The following TRIM2 variants were observed in gnomAD, a reference collection of about 807,000 sequenced individuals.
The protein encoded by TRIM2 is tripartite motif containing 2.
In TRIM2, 20 loss-of-function variants were observed where a neutral mutation model predicts 75.2. The observed-to-expected ratio is 0.27, with a 90% CI of 0.19 to 0.39. TRIM2 has a LOEUF of 0.39. Ranked by LOEUF, TRIM2 falls within the 10% of genes least tolerant of loss-of-function variation. The pLI, the probability that TRIM2 is intolerant of heterozygous loss-of-function variation, is 1.00. For missense variants in TRIM2, 660 were observed against 990.8 expected, an observed-to-expected ratio of 0.67 and a Z score of 4.48; for synonymous variants, 373 against 388.3, an observed-to-expected ratio of 0.96 and a Z score of 0.46.
At chr4:153,198,327 G>A (rs1425498089) in intron 1 of TRIM2, among the ~76,000 whole-genome samples, 3 of 152,118 alleles carry the variant, frequency 2.0e-5, no homozygotes, top group Non-Finnish European at 2.9e-5. Flanking sequence ...GAATCATGGA[G>A]GTTGGTCTTT....
At chr4:153,193,789 G>A (rs80089389) in intron 1 of TRIM2, among the ~76,000 whole-genome samples, 8,361 of 152,186 alleles carry the variant, frequency 0.055, 273 homozygotes, top group African/African-American at 0.073. Flanking sequence ...GGGCTGGGGC[G>A]AGCCACGGAG....
rs151298340 is a variant in TRIM2, at chr4:153,166,668, C to T, written c.-49+13398C>T. On this transcript the variant is annotated intron_variant, in intron 1 of 11. Coordinates refer to the TRIM2 transcript ENST00000437508. Reference sequence around the variant, plus strand: ...GGCTCATGTGATCCTCCTGCATCTGCCTCCCTAGTAGGTGGGACTACAGAG... The same window carrying T: ...GGCTCATGTGATCCTCCTGCATCTGTCTCCCTAGTAGGTGGGACTACAGAG... 2.5e-3 allele frequency among the ~76,000 whole-genome samples: 379 copies of T among 152,244 alleles called. 2 individuals carry two copies. The highest frequency in any genetic ancestry group is 4.6e-3 in the Admixed American group (70 of 15,294).
chr4:153,270,507 C>CT lies in TRIM2; in HGVS notation c.206dup (p.Cys70LeufsTer57). 6.2e-7 allele frequency: 1 copy of CT among 1,608,802 alleles called. No individual in the cohort carries two copies. The highest frequency in any genetic ancestry group is 8.5e-7 in the Non-Finnish European group (1 of 1,177,472). ...CCCAAGGTTCTCCCCTGTCTGCACA[C>CT]TTTCTGCGAGAGGTAAGCCTCCTTT... On this transcript the variant is annotated frameshift_variant, in exon 2 of 12. Transcript: ENST00000338700. LOFTEE classifies it high-confidence loss of function.
chr4:153,257,573 A>G (rs778268922), intron 1 of TRIM2: 2 of 1,289,818 alleles, frequency 1.6e-6, no homozygotes, highest in Non-Finnish European at 2.0e-6. Flanking sequence ...AGAGCAGAAG[A>G]TATGCTGGGC....
intron 2 of TRIM2, among the ~76,000 whole-genome samples, chr4:153,273,270 C>CATTTTTTTT (rs1757187818): frequency 3.5e-5 from 2 of 57,390 alleles, no homozygotes; most frequent in African/African-American, 1.4e-4. Context: ...TACAGTCACT[C>CATTTTTTTT]TTTTTTTTTT....
intron 1 of TRIM2, among the ~76,000 whole-genome samples, chr4:153,193,596 C>G (rs1365691137): frequency 5.3e-5 from 8 of 152,092 alleles, no homozygotes; most frequent in Non-Finnish European, 1.0e-4. Context: ...CTCATTTAAT[C>G]CTCACAACAA....
rs117520126 is a variant in TRIM2, at chr4:153,242,426, G to A, written c.31-27909G>A. On this transcript the variant is annotated intron_variant, in intron 1 of 11. Coordinates refer to ENST00000338700, the MANE Select transcript of TRIM2 (RefSeq NM_015271.5). ...CCTGCCCTTTGCCATGTGGATGGGC[G>A]GATTTTTAACCTTTTAGTACCATAA... is the stretch of plus-strand genomic sequence containing the variant. Among the ~76,000 whole-genome samples the A allele has an allele frequency of 1.2e-4, 18 of 151,900 alleles. No individual in the cohort carries two copies. In the East Asian group the frequency reaches 3.1e-3, roughly 26 times the overall value.
intron 1 of TRIM2, among the ~76,000 whole-genome samples, chr4:153,153,788 G>A (rs1009108852): frequency 2.0e-5 from 3 of 152,206 alleles, no homozygotes; most frequent in Non-Finnish European, 4.4e-5. Flanking sequence ...GGGCCCCGGA[G>A]GGGGCGCGTC....
intron 1 of TRIM2, among the ~76,000 whole-genome samples, chr4:153,177,754 T>TTCCTTCC (rs1731617350): frequency 1.2e-4 from 7 of 57,376 alleles, no homozygotes; most frequent in Non-Finnish European, 1.9e-4. Context: ...TCCTTCCTTC[T>TTCCTTCC]TTCCCTCCCA....
At chr4:153,237,140 G>A (rs1310079749) in intron 1 of TRIM2, among the ~76,000 whole-genome samples, 1 of 152,040 alleles carries the variant, frequency 6.6e-6, no homozygotes. Flanking sequence ...TTTAACTTTT[G>A]GGGGTTGGGG....
At chr4:153,247,019 G>A (rs909689479) in intron 1 of TRIM2, among the ~76,000 whole-genome samples, 3 of 152,162 alleles carry the variant, frequency 2.0e-5, no homozygotes, top group Non-Finnish European at 4.4e-5. Flanking sequence ...GTCCAGAGAC[G>A]ATGACTTACA....
chr4:153,307,939 C>T (rs559390028), intron 6 of TRIM2: 29 of 754,418 alleles, frequency 3.8e-5, no homozygotes, highest in Middle Eastern at 2.3e-4. Flanking sequence ...ATTATGGAGT[C>T]GTACAGCCGG....
At chr4:153,161,719 T>C (rs965186926) in intron 1 of TRIM2, among the ~76,000 whole-genome samples, 9 of 152,220 alleles carry the variant, frequency 5.9e-5, no homozygotes, top group Non-Finnish European at 1.3e-4. Context: ...ACAAGGCAGG[T>C]CCAACAAATT....
chr4:153,163,726 T>C (rs1219229502), intron 1 of TRIM2, among the ~76,000 whole-genome samples: 2 of 151,630 alleles, frequency 1.3e-5, no homozygotes, highest in Admixed American at 6.6e-5. Flanking sequence ...GGTCTCGAAC[T>C]CCTGACCTCA....
At chr4:153,317,720 T>C (rs1026532870) in intron 8 of TRIM2, among the ~76,000 whole-genome samples, 7 of 151,844 alleles carry the variant, frequency 4.6e-5, no homozygotes, top group African/African-American at 1.7e-4. Flanking sequence ...CCCAGCACTT[T>C]GGGAAGCTGA....
At chr4:153,223,865 A>G (rs1288864057) in intron 1 of TRIM2, among the ~76,000 whole-genome samples, 1 of 152,224 alleles carries the variant, frequency 6.6e-6, no homozygotes, top group Non-Finnish European at 1.5e-5. Flanking sequence ...CCAGCCATCC[A>G]AAGATTAGGC....
intron 6 of TRIM2, among the ~76,000 whole-genome samples, chr4:153,312,040 A>C (rs1257657793): frequency 2.0e-5 from 3 of 150,444 alleles, no homozygotes; most frequent in African/African-American, 4.9e-5. Context: ...CATTAGGTAT[A>C]TCTCCCAATG....
intron 1 of TRIM2, among the ~76,000 whole-genome samples, chr4:153,205,462 G>T (rs750158382): frequency 6.6e-6 from 1 of 152,232 alleles, no homozygotes; most frequent in Admixed American, 6.5e-5. Context: ...TGGGGAGGGG[G>T]CTACAACATC....
intron 6 of TRIM2, among the ~76,000 whole-genome samples, chr4:153,306,589 A>T (rs1049880474): frequency 6.6e-6 from 1 of 152,220 alleles, no homozygotes; most frequent in African/African-American, 2.4e-5. Context: ...GAAGGAATAG[A>T]TGGGGAATGG....
Sources: gnomAD v4.1 joint callset for allele counts (sites outside exome capture counted in the v4.1 genomes callset) on GRCh38, gnomAD v4.1.1 for gene constraint, MANE v1.5 for transcripts, NCBI Gene and HGNC (gene_info 2026-07-23, HGNC 2026-07-21) for gene names.